The following CFI variants were observed in gnomAD, a reference collection of about 807,000 sequenced individuals.
CFI encodes the protein complement factor I.
CFI carries 66 observed loss-of-function variants against 78.8 expected under a neutral mutation model. The ratio of observed to expected loss-of-function variants is 0.84; its 90% CI spans 0.69 to 1.03. The LOEUF (loss-of-function observed/expected upper bound fraction) is 1.03, where lower values mean the gene tolerates loss of function less well. Among genes scored for constraint, CFI ranks in the 50% least tolerant of loss-of-function variants. CFI has a pLI of 0.00. For missense variants in CFI, 706 were observed against 704.5 expected (o/e 1.00, Z -0.02); for synonymous variants, 250 against 232.6 (o/e 1.07, Z -0.68).
At chr4:109,781,792 A>C (rs938818292) in intron 1 of CFI, among the ~76,000 whole-genome samples, 1 of 152,194 alleles carries the variant, frequency 6.6e-6, no homozygotes, top group Non-Finnish European at 1.5e-5. Flanking sequence ...CGAACAACAT[A>C]TCAAAAAGAT....
intron 1 of CFI, among the ~76,000 whole-genome samples, chr4:109,785,163 T>A (rs1487967370): frequency 1.3e-5 from 2 of 152,074 alleles, no homozygotes; most frequent in Non-Finnish European, 2.9e-5. Flanking sequence ...CTTTGCTGAC[T>A]CTCTTTTCGG....
intron 1 of CFI, among the ~76,000 whole-genome samples, chr4:109,784,795 C>T (rs1730532522): frequency 6.6e-6 from 1 of 152,044 alleles, no homozygotes. Flanking sequence ...GTGCATGTTG[C>T]TCTTTCTCAA....
At chr4:109,751,680 A>G (rs1725157492) in intron 8 of CFI, among the ~76,000 whole-genome samples, 1 of 152,034 alleles carries the variant, frequency 6.6e-6, no homozygotes, top group Non-Finnish European at 1.5e-5. Flanking sequence ...ACCTGAAGTA[A>G]TCCGCCTGCT....
At position 109,749,277 on chromosome 4, in the gene CFI, G is replaced by A; in HGVS notation, c.1089C>T (p.Ile363=). The part of the protein sequence containing the change: ...WQVAIKDASG[I]TCGGIYIGGC... ...CACCAATATAAATTCCCCCACAGGT[G>A]ATTCCACTGGCATCCTTAATTGCCA... Residue 363 remains isoleucine, a synonymous_variant, in exon 10 of 13, where the codon ATC becomes ATT. Coordinates refer to ENST00000394634, the MANE Select transcript of CFI (RefSeq NM_000204.5). 6.2e-7 allele frequency: 1 copy of A among 1,614,178 alleles called. No homozygotes were observed. Among genetic ancestry groups the A allele is most frequent in the Non-Finnish European group, 8.5e-7 (1 of 1,180,018 alleles).
intron 1 of CFI, among the ~76,000 whole-genome samples, chr4:109,772,039 A>G (rs1467581988): frequency 6.6e-6 from 1 of 152,246 alleles, no homozygotes; most frequent in African/African-American, 2.4e-5. Flanking sequence ...CCTATTGTAA[A>G]TTGGAAGCAA....
intron 6 of CFI, 66 bp from the exon 7 acceptor site, chr4:109,757,849 A>T (rs1726521752): frequency 1.5e-6 from 2 of 1,311,934 alleles, no homozygotes; most frequent in African/African-American, 1.5e-5. Context: ...CACTATAGCA[A>T]TATACTATAC....
chr4:109,784,095 G>A (rs181398810), intron 1 of CFI, among the ~76,000 whole-genome samples: 3 of 151,566 alleles, frequency 2.0e-5, no homozygotes, highest in African/African-American at 7.3e-5. Context: ...TATACTGCTC[G>A]GGTGATGGGT....
intron 1 of CFI, among the ~76,000 whole-genome samples, chr4:109,771,082 T>C (rs1728525376): frequency 6.6e-6 from 1 of 151,998 alleles, no homozygotes; most frequent in Non-Finnish European, 1.5e-5. Flanking sequence ...GATGTCCTTA[T>C]GCTTTCAGTA....
At chr4:109,749,708 A>G (rs1260349624) in intron 8 of CFI, 106 bp from the exon 9 acceptor site, 3 of 739,230 alleles carry the variant, frequency 4.1e-6, no homozygotes, top group Non-Finnish European at 7.4e-6. Flanking sequence ...CACAGCCAGT[A>G]CAAGACAGGC....
intron 2 of CFI, 150 bp from the exon 3 acceptor site, chr4:109,764,840 C>T (rs1727534926): frequency 1.6e-5 from 12 of 747,538 alleles, no homozygotes; most frequent in South Asian, 1.4e-4. Context: ...AATCATTTTA[C>T]GAGTATTTAT....
intron 10 of CFI, among the ~76,000 whole-genome samples, chr4:109,747,208 C>G (rs1373819577): frequency 6.6e-6 from 1 of 152,102 alleles, no homozygotes; most frequent in African/African-American, 2.4e-5. Flanking sequence ...AAAACAGAGA[C>G]AGGGTCTCAC....
chr4:109,760,672 A>G (rs1486546283), intron 4 of CFI, 36 bp from the exon 5 acceptor site: 1 of 1,206,256 alleles, frequency 8.3e-7, no homozygotes, highest in Admixed American at 1.7e-5. Flanking sequence ...AAATTTATTT[A>G]TGGAGTGGTG....
chr4:109,731,790 G>A, the CFI span, among the ~76,000 whole-genome samples: 2 of 152,190 alleles, frequency 1.3e-5, no homozygotes, highest in Non-Finnish European at 2.9e-5. Flanking sequence ...TAAAAGAGTC[G>A]AGGTGAGAAG....
intron 1 of CFI, among the ~76,000 whole-genome samples, chr4:109,790,688 G>A (rs528607491): frequency 1.6e-4 from 25 of 152,174 alleles, no homozygotes; most frequent in Admixed American, 1.4e-3. Context: ...AGAACATGTG[G>A]TATTTGGTTT....
intron 7 of CFI, among the ~76,000 whole-genome samples, chr4:109,755,325 T>G (rs530760259): frequency 6.6e-6 from 1 of 152,276 alleles, no homozygotes; most frequent in South Asian, 2.1e-4. Context: ...AGGACTGGTA[T>G]ATAACAGCAC....
downstream of CFI, among the ~76,000 whole-genome samples, chr4:109,738,679 T>G (rs1579144168): frequency 6.6e-6 from 1 of 152,200 alleles, no homozygotes; most frequent in South Asian, 2.1e-4. Flanking sequence ...ATGTAGGAAG[T>G]CTGGTGCCCC....
chr4:109,766,758 A>G lies in CFI; in HGVS notation c.124T>C (p.Ser42Pro). The G allele has an allele frequency of 6.2e-7, 1 of 1,614,216 alleles. No individual in the cohort carries two copies. The highest frequency in any genetic ancestry group is 8.5e-7 in the Non-Finnish European group (1 of 1,180,014). Residue 42 changes from serine (S) to proline (P), a missense_variant, in exon 2 of 13, where the codon TCC becomes CCC. Physicochemically the swap from Ser to Pro is moderately conservative, Grantham distance 74. Transcript: ENST00000394634. ...KCLAKKYTHL[S>P]CDKVFCQPWQ... ...GGCTGGCAGAAGACTTTATCGCAGG[A>G]GAGGTGAGTATATTTTTTTGCTAAG...
chr4:109,798,902 A>G (rs897796398), intron 1 of CFI, among the ~76,000 whole-genome samples: 1 of 151,862 alleles, frequency 6.6e-6, no homozygotes, highest in African/African-American at 2.4e-5. Context: ...AGAGAGAGAG[A>G]AGAAAAAGAA....
At position 109,761,630 on chromosome 4, in the gene CFI, A is replaced by G; in HGVS notation, c.545T>C (p.Leu182Pro). 6.2e-7 allele frequency: 1 copy of G among 1,613,734 alleles called. No individual in the cohort carries two copies. The highest frequency in any genetic ancestry group is 1.1e-5 in the South Asian group (1 of 91,080). ...SDLSINSTECLHVHCRGLETS... is the reference protein window; with the variant it reads ...SDLSINSTECPHVHCRGLETS... ...CTCTAATCCTCGGCAATGCACATGT[A>G]GACATTCAGTGGAATTTATAGAGAG... The change falls in exon 4 of 13, where the codon CTA becomes CCA. Residue 182 changes from leucine (L) to proline (P), a missense_variant. Leu to Pro is a moderately conservative substitution (Grantham distance 98, BLOSUM62 -3). Coordinates refer to ENST00000394634, the MANE Select transcript of CFI (RefSeq NM_000204.5).
Sources: allele counts gnomAD v4.1 joint callset (sites outside exome capture counted in the v4.1 genomes callset), GRCh38; gene constraint gnomAD v4.1.1; transcripts MANE v1.5; gene names NCBI Gene and HGNC (gene_info 2026-07-23, HGNC 2026-07-21).